Variants in LAMA1 observed in about 807,000 individuals in gnomAD.
LAMA1 encodes the protein laminin subunit alpha-1.
In LAMA1, 219 loss-of-function variants were observed where a neutral mutation model predicts 348.7. That is an observed-to-expected ratio of 0.63 (90% CI 0.56 to 0.70). The LOEUF (loss-of-function observed/expected upper bound fraction) is 0.70. Ranked by LOEUF, LAMA1 falls within the 30% of genes least tolerant of loss-of-function variation. The probability of loss-of-function intolerance (pLI) is 0.00; values close to 1 mark genes in which losing one functional copy is unlikely to be tolerated. For synonymous variants in LAMA1, 1,487 were observed against 1,491.0 expected, an observed-to-expected ratio of 1.00 and a Z score of 0.06; for missense variants, 3,744 against 3,888.0, an observed-to-expected ratio of 0.96 and a Z score of 0.99.
At chr18:7,080,952 C>CA (rs1231943871) in intron 1 of LAMA1, among the ~76,000 whole-genome samples, 1 of 152,154 alleles carries the variant, frequency 6.6e-6, no homozygotes, top group Admixed American at 6.5e-5. Context: ...AAATGCACCA[C>CA]AAAGTAAGCT....
chr18:7,094,426 C>CAAAA (rs1194222301), intron 1 of LAMA1, among the ~76,000 whole-genome samples: 2 of 63,404 alleles, frequency 3.2e-5, no homozygotes, highest in Non-Finnish European at 7.5e-5. Flanking sequence ...GACTCCGTCT[C>CAAAA]AAAAAAAAAA....
At chr18:6,956,280 G>A in intron 56 of LAMA1, 1 of 330,794 alleles carries the variant, frequency 3.0e-6, no homozygotes, top group South Asian at 2.7e-5. Context: ...TTTTTTTAAA[G>A]CAACAAATAT....
At chr18:7,098,846 G>A (rs1229060170) in intron 1 of LAMA1, among the ~76,000 whole-genome samples, 5 of 125,710 alleles carry the variant, frequency 4.0e-5, no homozygotes, top group Admixed American at 8.3e-5. Context: ...AGGGAGGTGG[G>A]GGGGTCAGCC....
chr18:7,043,927 G>A (rs919844109), intron 7 of LAMA1, among the ~76,000 whole-genome samples: 12 of 152,066 alleles, frequency 7.9e-5, no homozygotes, highest in South Asian at 6.2e-4. Context: ...AGGCCGAGGC[G>A]GGCGGATCAC....
intron 1 of LAMA1, among the ~76,000 whole-genome samples, chr18:7,083,193 ATT>A (rs10685378): frequency 7.1e-6 from 1 of 141,066 alleles, no homozygotes; most frequent in Non-Finnish European, 1.5e-5. Context: ...ATATATATAC[ATT>A]TTTTTTTTTT....
chr18:7,067,065 C>T (rs1385679864), intron 3 of LAMA1, among the ~76,000 whole-genome samples: 6 of 152,158 alleles, frequency 3.9e-5, no homozygotes, highest in Non-Finnish European at 8.8e-5. Context: ...TTATTACAGG[C>T]ATTTTGCTGG....
rs1325991029 is a variant in LAMA1 at position 6,973,164 on chromosome 18, T to G, written c.6667A>C (p.Asn2223His). 2.0e-5 allele frequency: 33 copies of G among 1,614,082 alleles called. No homozygotes were observed. The highest frequency in any genetic ancestry group is 2.8e-5 in the Non-Finnish European group (33 of 1,180,000). The part of the protein sequence containing the change: ...GSLSVKEMSS[N>H]QKSPTKTSKS... ...CTTGTTTTTGTTGGTGACTTTTGATTTGAGCTCATTTCCTTTACACTCAGT... is the reference window on the plus strand; with the variant it reads ...CTTGTTTTTGTTGGTGACTTTTGATGTGAGCTCATTTCCTTTACACTCAGT... The change falls in exon 47 of 63, where the codon AAT becomes CAT. Residue 2223 changes from asparagine (N) to histidine (H), a missense_variant. Physicochemically the swap from Asn to His is moderately conservative, Grantham distance 68. Transcript: ENST00000389658.
Position 6,958,644 on chromosome 18 carries a change from CAA to C in LAMA1, c.7795_7796del (p.Leu2599GlyfsTer2). 1 of 1,613,804 alleles carries C rather than the reference CAA, an allele frequency of 6.2e-7. No homozygotes were observed. Among genetic ancestry groups the C allele is most frequent in the Non-Finnish European group, 8.5e-7 (1 of 1,179,760 alleles). ...VRNRRIITVQ[L>X]DENNPVEMKL... ...TCATTTCCACAGGATTGTTCTCATC[CAA>C]TTGGACAGTGATAATTCTAAAAGAC... On this transcript the variant is annotated frameshift_variant, in exon 55 of 63. Transcript: ENST00000389658. LOFTEE classifies it high-confidence loss of function.
In LAMA1 at chr18:7,117,784, C is replaced by T. The variant is rs1207107088; in HGVS notation, c.-64G>A. On this transcript the variant is annotated 5_prime_UTR_variant, in exon 1 of 63. The change creates a new upstream start codon in the 5' untranslated region. Transcript: ENST00000389658. The stretch of plus-strand genomic sequence containing the variant: ...CCGCGCGCCCGCCTGGAACGCTCCA[C>T]GGGACGCGAGTCCGCGCTGCCCTGG... The T allele has an allele frequency of 1.4e-6, 2 of 1,451,810 alleles. No individual in the cohort carries two copies. Among genetic ancestry groups the T allele is most frequent in the Admixed American group, 1.9e-5 (1 of 52,214 alleles). The allele number at this position is 1,451,810 out of a possible 1,614,324, so 89.9% of individuals were successfully genotyped here.
At chr18:7,110,914 C>T (rs1390184411) in intron 1 of LAMA1, among the ~76,000 whole-genome samples, 2 of 142,274 alleles carry the variant, frequency 1.4e-5, no homozygotes, top group African/African-American at 5.1e-5. Flanking sequence ...TAATTGTTCT[C>T]TTTTAACTAA....
Position 7,008,485 on chromosome 18 carries a change from T to C in LAMA1, c.4122+3A>G, listed in dbSNP as rs1294323243. 6.2e-7 allele frequency: 1 copy of C among 1,614,014 alleles called. No individual in the cohort carries two copies. Among genetic ancestry groups the C allele is most frequent in the Non-Finnish European group, 8.5e-7 (1 of 1,179,920 alleles). ...AAATAGATTTCGACTAGAGTCTCCG[T>C]ACCTGACATGAGAATCCCACAGTGC... On this transcript the variant is annotated splice_donor_region_variant and intron_variant, in intron 28 of 62. Transcript: ENST00000389658.
At chr18:7,027,244 T>C (rs2057948078) in intron 16 of LAMA1, among the ~76,000 whole-genome samples, 1 of 152,174 alleles carries the variant, frequency 6.6e-6, no homozygotes, top group African/African-American at 2.4e-5. Context: ...AAGTGTACTA[T>C]GGTTATACAA....
chr18:7,029,128 A>G (rs1421812438), intron 16 of LAMA1, among the ~76,000 whole-genome samples: 1 of 152,166 alleles, frequency 6.6e-6, no homozygotes, highest in Admixed American at 6.5e-5. Context: ...AGTTTTACTT[A>G]GGGTTATCCT....
chr18:7,040,338 A>G, intron 9 of LAMA1, 102 bp from the exon 10 acceptor site: 1 of 1,254,810 alleles, frequency 8.0e-7, no homozygotes, highest in Non-Finnish European at 1.2e-6. Context: ...TATCTATTTT[A>G]GGCTTTTTGG....
At chr18:7,002,040 T>A (rs1271326471) in intron 30 of LAMA1, among the ~76,000 whole-genome samples, 1 of 152,258 alleles carries the variant, frequency 6.6e-6, no homozygotes, top group Admixed American at 6.5e-5. Flanking sequence ...GTCCTTTCTT[T>A]AATTGCTTCC....
intron 51 of LAMA1, chr18:6,964,238 G>A: frequency 3.7e-6 from 1 of 270,440 alleles, no homozygotes; most frequent in Non-Finnish European, 7.2e-6. Context: ...AGAAGCAGAT[G>A]TTACAGGTTG....
chr18:7,110,205 A>T (rs1841794), intron 1 of LAMA1, among the ~76,000 whole-genome samples: 2 of 150,026 alleles, frequency 1.3e-5, no homozygotes, highest in African/African-American at 2.5e-5. Context: ...AAAAAAAAAA[A>T]GCGGCTAGTT....
intron 61 of LAMA1, among the ~76,000 whole-genome samples, chr18:6,945,143 C>T (rs981960146): frequency 5.6e-4 from 85 of 152,272 alleles, no homozygotes; most frequent in African/African-American, 2.0e-3. Context: ...AATCCTCCTG[C>T]CTCAGCCTCC....
chr18:6,985,934 T>C (rs140791551), intron 37 of LAMA1, among the ~76,000 whole-genome samples: 3,711 of 152,188 alleles, frequency 0.024, 52 homozygotes, highest in Non-Finnish European at 0.037. Flanking sequence ...AATTTTTGTA[T>C]TTTTAGTAGA....
Sources: allele counts gnomAD v4.1 joint callset (sites outside exome capture counted in the v4.1 genomes callset), GRCh38; gene constraint gnomAD v4.1.1; transcripts MANE v1.5; gene names NCBI Gene and HGNC (gene_info 2026-07-23, HGNC 2026-07-21).